The following ADAMTS16 variants were observed in gnomAD, a reference collection of about 807,000 sequenced individuals.
ADAMTS16 encodes A disintegrin and metalloproteinase with thrombospondin motifs 16.
In ADAMTS16, 94 loss-of-function variants were observed where a neutral mutation model predicts 145.8. The observed-to-expected ratio is 0.64, with a 90% confidence interval of 0.55 to 0.77. ADAMTS16 has a LOEUF of 0.77. Among genes scored for constraint, ADAMTS16 ranks in the 30% least tolerant of loss-of-function variants. The pLI, the probability that ADAMTS16 is intolerant of heterozygous loss-of-function variation, is 0.00. For synonymous variants in ADAMTS16, 659 were observed against 604.3 expected, an observed-to-expected ratio of 1.09 and a Z score of -1.33; for missense variants, 1,585 against 1,591.5, an observed-to-expected ratio of 1.00 and a Z score of 0.07.
At chr5:5,251,418 C>T (rs1737617535) in intron 17 of ADAMTS16, among the ~76,000 whole-genome samples, 1 of 152,248 alleles carries the variant, frequency 6.6e-6, no homozygotes, top group African/African-American at 2.4e-5. Context: ...TTTCAACAGA[C>T]TATAAACAAA....
chr5:5,220,621 C>T (rs1249482039), intron 10 of ADAMTS16, among the ~76,000 whole-genome samples: 3 of 152,192 alleles, frequency 2.0e-5, no homozygotes, highest in African/African-American at 4.8e-5. Context: ...AGCCCTTAAG[C>T]GAGAAAGGAA....
intron 3 of ADAMTS16, among the ~76,000 whole-genome samples, chr5:5,180,469 T>C (rs971673772): frequency 1.5e-4 from 23 of 152,298 alleles, no homozygotes; most frequent in African/African-American, 5.5e-4. Context: ...TGAACTTGAG[T>C]AGTGCAGAGA....
At chr5:5,142,810 A>G (rs1035604070) in intron 2 of ADAMTS16, among the ~76,000 whole-genome samples, 1 of 152,246 alleles carries the variant, frequency 6.6e-6, no homozygotes, top group Admixed American at 6.5e-5. Flanking sequence ...AAACTATGCT[A>G]CAAGGCTACA....
chr5:5,241,814 G>A (rs779697341), intron 16 of ADAMTS16, among the ~76,000 whole-genome samples: 3 of 139,294 alleles, frequency 2.2e-5, no homozygotes, highest in African/African-American at 2.7e-5. Context: ...TTTTACATGC[G>A]GGCATACACT....
chr5:5,166,967 C>G (rs1395212527), intron 3 of ADAMTS16, among the ~76,000 whole-genome samples: 1 of 152,206 alleles, frequency 6.6e-6, no homozygotes, highest in African/African-American at 2.4e-5. Context: ...AAAGCCGTCA[C>G]TGAAATAATA....
At chr5:5,174,431 T>C (rs1486754171) in intron 3 of ADAMTS16, among the ~76,000 whole-genome samples, 1 of 152,110 alleles carries the variant, frequency 6.6e-6, no homozygotes, top group East Asian at 1.9e-4. Flanking sequence ...TTTTAGGTAG[T>C]CTTCTTTGGG....
At chr5:5,218,198 T>C (rs1286888527) in intron 10 of ADAMTS16, among the ~76,000 whole-genome samples, 3 of 152,276 alleles carry the variant, frequency 2.0e-5, no homozygotes, top group Non-Finnish European at 4.4e-5. Context: ...GGTTTTTGGC[T>C]GCTCATTTGT....
At chr5:5,268,693 C>A (rs1738351516) in intron 18 of ADAMTS16, among the ~76,000 whole-genome samples, 1 of 152,202 alleles carries the variant, frequency 6.6e-6, no homozygotes, top group Non-Finnish European at 1.5e-5. Flanking sequence ...GACACTATTT[C>A]TGTCCTCCCA....
chr5:5,294,076 C>A (rs1739436153), intron 18 of ADAMTS16, among the ~76,000 whole-genome samples: 1 of 152,192 alleles, frequency 6.6e-6, no homozygotes, highest in African/African-American at 2.4e-5. Flanking sequence ...CATGTTCGCG[C>A]TGGAAATACT....
chr5:5,267,103 A>G (rs962003333), intron 18 of ADAMTS16, among the ~76,000 whole-genome samples: 9 of 152,132 alleles, frequency 5.9e-5, no homozygotes, highest in Non-Finnish European at 1.2e-4. Flanking sequence ...GTGTGCGATG[A>G]GGGCGTGGCT....
chr5:5,223,818 G>A (rs1736677453), intron 11 of ADAMTS16: 1 of 151,148 alleles, frequency 6.6e-6, no homozygotes, highest in Admixed American at 6.6e-5. Context: ...GATAGATCCT[G>A]GACCCACATT....
At position 5,140,660 on chromosome 5, in the gene ADAMTS16, G is replaced by T. The variant is rs1165316966; in HGVS notation, c.73-4G>T. ...CACCGCGATGTCGCCGCTGTTTTCC[G>T]CAGGCACCTGCGTGCGCCATGGGAC... On this transcript the variant is annotated splice_region_variant and splice_polypyrimidine_tract_variant and intron_variant, in intron 1 of 22. Transcript: ENST00000274181. The T allele has an allele frequency of 2.6e-6, 4 of 1,545,600 alleles. No individual in the cohort carries two copies. Among genetic ancestry groups the T allele is most frequent in the East Asian group, 2.4e-5 (1 of 41,842 alleles).
At position 5,140,741 on chromosome 5, in the gene ADAMTS16, G is replaced by A. The variant is rs1222389651; in HGVS notation, c.150G>A (p.Glu50=). 8 of 1,568,154 alleles carry A rather than the reference G, an allele frequency of 5.1e-6. No homozygotes were observed. The Admixed American group carries it at 1.3e-4, about 26-fold the overall frequency. The change falls in exon 2 of 23, where the codon GAG becomes GAA. Residue 50 remains glutamate (E), a synonymous_variant. Transcript: ENST00000274181. ...PSVPRPPPPA[E]RPGWMEKGEY... ...TCCCGCGTCCTCCTCCACCCGCGGAGCGGCCGGGCTGGATGGAAAAGGGCG... is the reference window on the plus strand; with the variant it reads ...TCCCGCGTCCTCCTCCACCCGCGGAACGGCCGGGCTGGATGGAAAAGGGCG...
intron 20 of ADAMTS16, among the ~76,000 whole-genome samples, chr5:5,305,111 CCACACACACACCCCACACCA>C (rs1740020265): frequency 2.7e-5 from 1 of 36,866 alleles, no homozygotes. Flanking sequence ...ACATCCCACA[CCACACACACACCCCACACCA>C]CACACACACA....
At chr5:5,263,825 C>T (rs1274112924) in intron 18 of ADAMTS16, among the ~76,000 whole-genome samples, 7 of 152,174 alleles carry the variant, frequency 4.6e-5, no homozygotes, top group South Asian at 4.1e-4. Flanking sequence ...CCTCCACCAG[C>T]GGGGGCAAAG....
chr5:5,194,778 C>A (rs1002328881), intron 8 of ADAMTS16, among the ~76,000 whole-genome samples: 2 of 152,276 alleles, frequency 1.3e-5, no homozygotes, highest in South Asian at 4.1e-4. Context: ...CTGCTTTTAT[C>A]AATGAGCTCC....
At chr5:5,153,446 A>T (rs1734524133) in intron 3 of ADAMTS16, among the ~76,000 whole-genome samples, 1 of 152,196 alleles carries the variant, frequency 6.6e-6, no homozygotes, top group African/African-American at 2.4e-5. Context: ...TACAAACAGA[A>T]ATCCTATATC....
At chr5:5,204,260 A>G (rs1736032071) in intron 9 of ADAMTS16, among the ~76,000 whole-genome samples, 1 of 152,196 alleles carries the variant, frequency 6.6e-6, no homozygotes, top group Admixed American at 6.5e-5. Context: ...TAGAGTGGGA[A>G]AGGGATTTTG....
At position 5,239,231 on chromosome 5, in the gene ADAMTS16, C is replaced by T. The variant is rs750745210; in HGVS notation, c.2235C>T (p.Cys745=). 1.3e-5 allele frequency: 21 copies of T among 1,601,992 alleles called. No individual in the cohort carries two copies. Among genetic ancestry groups the T allele is most frequent in the Non-Finnish European group, 1.7e-5 (20 of 1,175,018 alleles). ...CGVCNGNNSA[C]TIHRGLYTKH... is the part of the protein sequence containing the mutation. The stretch of plus-strand genomic sequence containing the variant: ...TGTGTAACGGGAATAACTCAGCCTG[C>T]ACGATTCACAGGGGTCTCTACACCA... The change falls in exon 15 of 23, where the codon TGC becomes TGT. Residue 745 remains cysteine, a synonymous_variant. Coordinates refer to ENST00000274181, the MANE Select transcript of ADAMTS16 (RefSeq NM_139056.4).
Sources: gnomAD v4.1 joint callset for allele counts (sites outside exome capture counted in the v4.1 genomes callset) on GRCh38, gnomAD v4.1.1 for gene constraint, MANE v1.5 for transcripts, NCBI Gene and HGNC (gene_info 2026-07-23, HGNC 2026-07-21) for gene names.